Variants in MACROD2 observed in about 807,000 individuals in gnomAD.
MACROD2 encodes ADP-ribose glycohydrolase MACROD2.
In MACROD2, 36 loss-of-function variants were observed where a neutral mutation model predicts 70.4. The observed-to-expected ratio is 0.51, with a 90% CI of 0.39 to 0.68. MACROD2 has a LOEUF of 0.68. Among genes scored for constraint, MACROD2 ranks in the 30% least tolerant of loss-of-function variants. The probability of loss-of-function intolerance (pLI) is 0.00; values close to 1 mark genes in which losing one functional copy is unlikely to be tolerated. For missense variants in MACROD2, 496 were observed against 538.4 expected (o/e 0.92, Z 0.78); for synonymous variants, 172 against 178.8 (o/e 0.96, Z 0.30).
chr20:15,737,225 G>T (rs2051035598), intron 8 of MACROD2, among the ~76,000 whole-genome samples: 1 of 152,166 alleles, frequency 6.6e-6, no homozygotes, highest in South Asian at 2.1e-4. Flanking sequence ...TCAATTTAAA[G>T]TAATTACAGG....
At chr20:15,216,420 G>GA (rs1407987244) in intron 5 of MACROD2, among the ~76,000 whole-genome samples, 6 of 151,240 alleles carry the variant, frequency 4.0e-5, no homozygotes, top group African/African-American at 1.2e-4. Flanking sequence ...CTGGAAAGGA[G>GA]AAAAAATAAA....
chr20:14,341,984 C>A (rs888738079), intron 3 of MACROD2, among the ~76,000 whole-genome samples: 2 of 152,182 alleles, frequency 1.3e-5, no homozygotes, highest in Admixed American at 6.5e-5. Flanking sequence ...ATATCACATT[C>A]CCATAACACA....
intron 8 of MACROD2, among the ~76,000 whole-genome samples, chr20:15,759,192 A>G (rs1028178182): frequency 2.0e-5 from 3 of 150,732 alleles, no homozygotes; most frequent in Non-Finnish European, 4.4e-5. Context: ...TAGTCATTCT[A>G]TCCTTCCAAA....
intron 5 of MACROD2, among the ~76,000 whole-genome samples, chr20:15,188,435 C>T (rs766386196): frequency 7.7e-4 from 117 of 152,228 alleles, no homozygotes; most frequent in Non-Finnish European, 1.1e-3. Flanking sequence ...TAGGGTTAGC[C>T]GATTCTAATC....
chr20:16,043,529 T>C (rs1424469408), intron 16 of MACROD2, among the ~76,000 whole-genome samples: 1 of 152,106 alleles, frequency 6.6e-6, no homozygotes, highest in Non-Finnish European at 1.5e-5. Context: ...CCTTGGAAAA[T>C]TTAGAGTGAG....
At chr20:14,901,261 A>G (rs1011656834) in intron 5 of MACROD2, among the ~76,000 whole-genome samples, 3 of 150,810 alleles carry the variant, frequency 2.0e-5, no homozygotes, top group African/African-American at 7.4e-5. Flanking sequence ...TTGAAGTTTT[A>G]AAAAAATCTT....
At chr20:14,760,275 G>C (rs1314874663) in intron 5 of MACROD2, among the ~76,000 whole-genome samples, 1 of 152,066 alleles carries the variant, frequency 6.6e-6, no homozygotes, top group Non-Finnish European at 1.5e-5. Context: ...TCCAGGTGGT[G>C]GCAAGCTGGG....
intron 5 of MACROD2, among the ~76,000 whole-genome samples, chr20:14,854,291 A>G (rs549167666): frequency 6.6e-6 from 1 of 152,320 alleles, no homozygotes; most frequent in Non-Finnish European, 1.5e-5. Flanking sequence ...AAGTGCAATA[A>G]TTAGTGACTA....
intron 3 of MACROD2, among the ~76,000 whole-genome samples, chr20:14,365,644 C>G (rs1169376388): frequency 1.3e-5 from 2 of 152,040 alleles, no homozygotes; most frequent in Non-Finnish European, 2.9e-5. Context: ...TTCCTTCACT[C>G]TGTTAGCTCT....
intron 5 of MACROD2, among the ~76,000 whole-genome samples, chr20:14,719,994 C>A (rs1182500297): frequency 6.6e-6 from 1 of 152,186 alleles, no homozygotes; most frequent in African/African-American, 2.4e-5. Flanking sequence ...CACCTTTTAT[C>A]TTCCTGGAGG....
chr20:15,286,905 T>C (rs1244559172), intron 6 of MACROD2, among the ~76,000 whole-genome samples: 3 of 152,108 alleles, frequency 2.0e-5, no homozygotes, highest in African/African-American at 7.2e-5. Context: ...GGGTTGGAGA[T>C]ACATATTAGA....
chr20:15,845,882 C>T (rs1192718090), intron 8 of MACROD2, among the ~76,000 whole-genome samples: 1 of 152,172 alleles, frequency 6.6e-6, no homozygotes, highest in Non-Finnish European at 1.5e-5. Flanking sequence ...AGTGGCCAAT[C>T]CCACACACAA....
At chr20:15,470,594 C>T (rs1382912426) in intron 7 of MACROD2, among the ~76,000 whole-genome samples, 1 of 152,168 alleles carries the variant, frequency 6.6e-6, no homozygotes, top group East Asian at 1.9e-4. Flanking sequence ...GAGATACCAC[C>T]AATCCCATCT....
intron 4 of MACROD2, among the ~76,000 whole-genome samples, chr20:14,573,331 T>C (rs1980345007): frequency 6.6e-6 from 1 of 152,184 alleles, no homozygotes; most frequent in South Asian, 2.1e-4. Flanking sequence ...TTCTGTCTGT[T>C]TCATTGATTG....
intron 3 of MACROD2, among the ~76,000 whole-genome samples, chr20:14,186,420 A>G (rs913380677): frequency 6.6e-6 from 1 of 152,194 alleles, no homozygotes; most frequent in African/African-American, 2.4e-5. Context: ...ATCTCACACC[A>G]GTCAGAATGG....
At chr20:15,393,036 C>T (rs777444780) in intron 6 of MACROD2, among the ~76,000 whole-genome samples, 37 of 151,742 alleles carry the variant, frequency 2.4e-4, no homozygotes, top group South Asian at 4.2e-4. Flanking sequence ...AACCCATGTC[C>T]GCACGCCTCC....
At chr20:15,437,786 A>T (rs1029152871) in intron 7 of MACROD2, among the ~76,000 whole-genome samples, 2 of 152,188 alleles carry the variant, frequency 1.3e-5, no homozygotes, top group Non-Finnish European at 2.9e-5. Flanking sequence ...TTTACTAAGG[A>T]TAATAGCTTC....
chr20:14,285,007 C>A (rs1190546123), intron 3 of MACROD2, among the ~76,000 whole-genome samples: 2 of 151,982 alleles, frequency 1.3e-5, no homozygotes, highest in Non-Finnish European at 2.9e-5. Context: ...AAAAAATAAA[C>A]ACATTAAAAT....
intron 5 of MACROD2, among the ~76,000 whole-genome samples, chr20:15,129,869 A>G (rs2076092766): frequency 6.6e-6 from 1 of 152,022 alleles, no homozygotes; most frequent in Admixed American, 6.6e-5. Flanking sequence ...TGCCTTGAAT[A>G]ATGTGAGTCA....
Sources: gnomAD v4.1 joint callset for allele counts (sites outside exome capture counted in the v4.1 genomes callset) on GRCh38, gnomAD v4.1.1 for gene constraint, MANE v1.5 for transcripts, NCBI Gene and HGNC (gene_info 2026-07-23, HGNC 2026-07-21) for gene names.